ARHGAP15: variants seen among roughly 807,000 people sequenced by gnomAD.
ARHGAP15 encodes the protein rho GTPase-activating protein 15.
In ARHGAP15, 51 loss-of-function variants were observed where a neutral mutation model predicts 63.7. The observed-to-expected ratio is 0.80, with a 90% CI of 0.64 to 1.01. ARHGAP15 has a LOEUF of 1.01. ARHGAP15 is among the 50% of genes least tolerant of loss of function. ARHGAP15 has a pLI of 0.00. For synonymous variants in ARHGAP15, 191 were observed against 193.8 expected, an observed-to-expected ratio of 0.99 and a Z score of 0.12; for missense variants, 560 against 564.6, an observed-to-expected ratio of 0.99 and a Z score of 0.08.
intron 6 of ARHGAP15, among the ~76,000 whole-genome samples, chr2:143,429,218 G>A (rs2105073056): frequency 7.9e-6 from 1 of 126,942 alleles, no homozygotes; most frequent in East Asian, 2.0e-4. Flanking sequence ...ATGAACATGA[G>A]GGTTTTTTTT....
At chr2:143,445,752 A>G (rs1055817812) in intron 8 of ARHGAP15, among the ~76,000 whole-genome samples, 1 of 152,046 alleles carries the variant, frequency 6.6e-6, no homozygotes, top group Non-Finnish European at 1.5e-5. Context: ...CTAACACCCT[A>G]TTTTATTTGA....
intron 6 of ARHGAP15, among the ~76,000 whole-genome samples, chr2:143,346,897 G>A (rs146070561): frequency 1.6e-3 from 237 of 152,044 alleles, no homozygotes; most frequent in African/African-American, 5.6e-3. Flanking sequence ...TTTCTTACAT[G>A]GTCCACAGGG....
intron 11 of ARHGAP15, among the ~76,000 whole-genome samples, chr2:143,618,998 AT>A (rs11349449): frequency 0.73 from 109,923 of 149,992 alleles, 41,754 homozygotes; most frequent in Non-Finnish European, 0.83. Flanking sequence ...ACTTTTTGTT[AT>A]TTTTTTTTTT....
chr2:143,396,953 A>G (rs1687788274), intron 6 of ARHGAP15, among the ~76,000 whole-genome samples: 1 of 152,166 alleles, frequency 6.6e-6, no homozygotes, highest in Non-Finnish European at 1.5e-5. Flanking sequence ...TAGTGAGGCA[A>G]TGACTCACCT....
intron 6 of ARHGAP15, among the ~76,000 whole-genome samples, chr2:143,414,545 C>G (rs936406627): frequency 7.2e-5 from 11 of 151,836 alleles, no homozygotes; most frequent in African/African-American, 2.2e-4. Context: ...ATATCTGTAC[C>G]TGAAAGAGCA....
At chr2:143,255,077 G>A (rs934437434) in intron 6 of ARHGAP15, among the ~76,000 whole-genome samples, 1 of 152,060 alleles carries the variant, frequency 6.6e-6, no homozygotes, top group African/African-American at 2.4e-5. Context: ...ACTGGCCTCA[G>A]TTTTCCTGAG....
At chr2:143,715,473 T>A (rs1684769988) in intron 13 of ARHGAP15, among the ~76,000 whole-genome samples, 1 of 152,228 alleles carries the variant, frequency 6.6e-6, no homozygotes, top group South Asian at 2.1e-4. Context: ...GTTCTTCCTC[T>A]CAAGTTTATC....
intron 13 of ARHGAP15, among the ~76,000 whole-genome samples, chr2:143,704,167 T>C (rs960095695): frequency 1.3e-5 from 2 of 152,182 alleles, no homozygotes; most frequent in East Asian, 3.9e-4. Flanking sequence ...TCAGATCACA[T>C]AGGTTCTTGT....
chr2:143,726,497 T>C (rs1685285848), intron 13 of ARHGAP15, among the ~76,000 whole-genome samples: 1 of 152,232 alleles, frequency 6.6e-6, no homozygotes, highest in Non-Finnish European at 1.5e-5. Context: ...ATTCCAGTAT[T>C]GTGGGTACCA....
intron 9 of ARHGAP15, among the ~76,000 whole-genome samples, chr2:143,515,187 A>ACCC: frequency 1.1e-5 from 1 of 93,084 alleles, no homozygotes; most frequent in Admixed American, 1.2e-4. Flanking sequence ...CACTATATTA[A>ACCC]CCCCCCCACC....
chr2:143,435,797 C>A, intron 7 of ARHGAP15, 98 bp downstream of exon 7: 1 of 1,207,704 alleles, frequency 8.3e-7, no homozygotes, highest in Non-Finnish European at 1.1e-6. Flanking sequence ...TTAAATAGAT[C>A]CTATGGACTG....
At chr2:143,155,364 G>T in intron 1 of ARHGAP15, 113 bp from the exon 2 acceptor site, 1 of 1,014,102 alleles carries the variant, frequency 9.9e-7, no homozygotes. Context: ...GAGAGGTGAA[G>T]ACTCTTGTTT....
At chr2:143,290,597 G>A (rs1178978156) in intron 6 of ARHGAP15, among the ~76,000 whole-genome samples, 1 of 151,892 alleles carries the variant, frequency 6.6e-6, no homozygotes, top group African/African-American at 2.4e-5. Context: ...CACATGACGT[G>A]GCATTATGTG....
At chr2:143,539,327 C>T (rs951281009) in intron 10 of ARHGAP15, among the ~76,000 whole-genome samples, 5 of 147,894 alleles carry the variant, frequency 3.4e-5, no homozygotes, top group Non-Finnish European at 4.5e-5. Flanking sequence ...TTTCAAAAAA[C>T]CAGCTCCTGG....
intron 13 of ARHGAP15, among the ~76,000 whole-genome samples, chr2:143,728,406 G>A (rs1021165506): frequency 6.6e-6 from 1 of 152,094 alleles, no homozygotes; most frequent in Non-Finnish European, 1.5e-5. Flanking sequence ...GGTAGCTGGT[G>A]CCTTATCATA....
At chr2:143,489,139 A>G (rs534364361) in intron 9 of ARHGAP15, among the ~76,000 whole-genome samples, 1 of 152,348 alleles carries the variant, frequency 6.6e-6, no homozygotes, top group Admixed American at 6.5e-5. Context: ...CACGACTGGG[A>G]CAAAATAAAA....
At chr2:143,351,446 G>A (rs1362432861) in intron 6 of ARHGAP15, 2 of 152,168 alleles carry the variant, frequency 1.3e-5, no homozygotes, top group Non-Finnish European at 2.9e-5. Flanking sequence ...TGAGACTACT[G>A]AATTTCTGGA....
intron 1 of ARHGAP15, among the ~76,000 whole-genome samples, chr2:143,152,896 A>T (rs1330572487): frequency 6.6e-6 from 1 of 151,940 alleles, no homozygotes; most frequent in African/African-American, 2.4e-5. Context: ...GAGAAATAAC[A>T]TTAACATTGT....
At chr2:143,620,232 A>G (rs1284621739) in intron 11 of ARHGAP15, among the ~76,000 whole-genome samples, 6 of 152,178 alleles carry the variant, frequency 3.9e-5, no homozygotes, top group Admixed American at 3.9e-4. Flanking sequence ...ATAGATATAC[A>G]ATGAATTAGT....
Sources: allele counts gnomAD v4.1 joint callset (sites outside exome capture counted in the v4.1 genomes callset), GRCh38; gene constraint gnomAD v4.1.1; transcripts MANE v1.5; gene names NCBI Gene and HGNC (gene_info 2026-07-23, HGNC 2026-07-21).